Variants in WDR47 observed in about 807,000 individuals in gnomAD.
WDR47 encodes WD repeat-containing protein 47.
A neutral mutation model predicts 97.2 loss-of-function variants in WDR47; 32 were observed. The observed-to-expected ratio is 0.33, with a 90% confidence interval of 0.25 to 0.44. WDR47 has a LOEUF of 0.44. Among genes scored for constraint, WDR47 ranks in the 20% least tolerant of loss-of-function variants. WDR47 has a pLI of 1.00. For missense variants in WDR47, 782 were observed against 1,102.3 expected (o/e 0.71, Z 4.11); for synonymous variants, 375 against 373.5 (o/e 1.00, Z -0.05).
chr1:108,984,773 G>C (rs922761229), intron 10 of WDR47, among the ~76,000 whole-genome samples: 1 of 152,142 alleles, frequency 6.6e-6, no homozygotes, highest in Admixed American at 6.5e-5. Context: ...AGCTACTCAG[G>C]AGGCTGAAGC....
At position 109,023,335 on chromosome 1, in the gene WDR47, A is replaced by C; in HGVS notation, c.158+20T>G. 1 of 1,606,724 alleles carries C rather than the reference A, an allele frequency of 6.2e-7. No homozygotes were observed. The highest frequency in any genetic ancestry group is 8.5e-7 in the Non-Finnish European group (1 of 1,176,866). On this transcript the variant is annotated intron_variant, in intron 2 of 14. Coordinates refer to ENST00000369962, the MANE Select transcript of WDR47 (RefSeq NM_001142551.2). ...TTTCTTCGAAGGAGCTACAAACTTC[A>C]CAGTATAATGAAATCATACCTCAGG...
chr1:109,029,667 G>C (rs1418851078), intron 1 of WDR47, among the ~76,000 whole-genome samples: 1 of 139,770 alleles, frequency 7.2e-6, no homozygotes, highest in Non-Finnish European at 1.5e-5. Context: ...GCGAGACTCT[G>C]TCTCTAAATA....
At chr1:109,025,595 G>A (rs1473289077) in intron 1 of WDR47, among the ~76,000 whole-genome samples, 5 of 151,770 alleles carry the variant, frequency 3.3e-5, no homozygotes, top group Admixed American at 1.3e-4. Flanking sequence ...TTAGCGGAGC[G>A]TGGTGGCACG....
At chr1:108,989,585 G>T (rs2590999) in intron 9 of WDR47, among the ~76,000 whole-genome samples, 2 of 152,066 alleles carry the variant, frequency 1.3e-5, no homozygotes, top group Non-Finnish European at 2.9e-5. Flanking sequence ...AAGAGAAAAA[G>T]GGAGGAAAAA....
intron 1 of WDR47, among the ~76,000 whole-genome samples, chr1:109,028,924 T>TA (rs145200842): frequency 0.025 from 3,832 of 152,262 alleles, 62 homozygotes; most frequent in Non-Finnish European, 0.041. Context: ...GGCCTCTGGT[T>TA]AAAATCACAA....
chr1:108,983,210 A>T, intron 11 of WDR47, 72 bp downstream of exon 11: 1 of 1,368,406 alleles, frequency 7.3e-7, no homozygotes, highest in Non-Finnish European at 9.7e-7. Flanking sequence ...AAGACAATAC[A>T]GAAATACAAC....
chr1:108,988,305 G>GAA (rs35875513), intron 9 of WDR47, among the ~76,000 whole-genome samples: 61 of 133,542 alleles, frequency 4.6e-4, no homozygotes, highest in African/African-American at 1.6e-3. Context: ...TAACTATTAA[G>GAA]AAAAAAAAAA....
chr1:108,992,972 T>G, intron 8 of WDR47: 1,786 of 534,682 alleles, frequency 3.3e-3, no homozygotes, highest in East Asian at 3.9e-3. Context: ...GCCCATGAAA[T>G]ACCCAGAAGA....
At chr1:108,977,308 C>T (rs1019683199) in intron 13 of WDR47, among the ~76,000 whole-genome samples, 5 of 152,172 alleles carry the variant, frequency 3.3e-5, no homozygotes, top group Middle Eastern at 3.4e-3. Context: ...CCCACCACCA[C>T]GCCTAGCTAA....
Position 109,011,393 on chromosome 1 carries a change from T to C in WDR47, c.653A>G (p.Glu218Gly). Residue 218 changes from glutamate to glycine, a missense_variant, in exon 5 of 15, where the codon GAA (glutamate) becomes GGA (glycine). Physicochemically the swap from Glu to Gly is moderately conservative, Grantham distance 98 (BLOSUM62 -2). Coordinates refer to ENST00000369962, the MANE Select transcript of WDR47 (RefSeq NM_001142551.2). ...AAGCACTTCGCTTTCTGTAATTTCT[T>C]CTCCAGTTGCTTTACTCTGACAAAA... is the stretch of plus-strand genomic sequence containing the variant. ...VEFCQSKATGEEITESEVLLG... is the reference protein window; with the variant it reads ...VEFCQSKATGGEITESEVLLG... 6.2e-7 allele frequency: 1 copy of C among 1,614,180 alleles called. No homozygotes were observed. The highest frequency in any genetic ancestry group is 8.5e-7 in the Non-Finnish European group (1 of 1,180,034).
chr1:109,040,141 AGAAT>A (rs1258412100), intron 1 of WDR47, among the ~76,000 whole-genome samples: 1 of 152,186 alleles, frequency 6.6e-6, no homozygotes, highest in Non-Finnish European at 1.5e-5. Flanking sequence ...ACCATTTTAC[AGAAT>A]GAGAAATCAG....
intron 5 of WDR47, among the ~76,000 whole-genome samples, chr1:109,005,491 A>G (rs527462534): frequency 3.3e-5 from 5 of 152,348 alleles, no homozygotes; most frequent in African/African-American, 1.2e-4. Context: ...TTCTAACACC[A>G]CAAAAAGGGT....
rs542803313 is a variant in WDR47 at position 108,976,090 on chromosome 1, T to A, written c.2399-1336A>T. Among the ~76,000 whole-genome samples the A allele has an allele frequency of 2.6e-5, 4 of 152,278 alleles. No homozygotes were observed. The South Asian group carries it at 6.2e-4, about 24-fold the overall frequency. ...ACTTGTCTCTGTAAACAGTAAAGCA[T>A]CATTGTAGGTTTCTAAGCAAGAGAA... is the stretch of plus-strand genomic sequence containing the variant. On this transcript the variant is annotated intron_variant, in intron 13 of 14. Transcript: ENST00000369962.
intron 5 of WDR47, among the ~76,000 whole-genome samples, chr1:109,006,980 C>T (rs1207955648): frequency 6.6e-6 from 1 of 151,918 alleles, no homozygotes; most frequent in Non-Finnish European, 1.5e-5. Flanking sequence ...TGCTGTCACC[C>T]AGGCTGGAGT....
At chr1:108,988,189 G>C (rs546480682) in intron 9 of WDR47, among the ~76,000 whole-genome samples, 1 of 144,160 alleles carries the variant, frequency 6.9e-6, no homozygotes, top group South Asian at 2.4e-4. Context: ...AGGCTATAGT[G>C]AGCCTGGGCA....
At chr1:109,004,473 T>C in intron 6 of WDR47, 119 bp downstream of exon 6, 1 of 1,203,560 alleles carries the variant, frequency 8.3e-7, no homozygotes, top group South Asian at 1.9e-5. Context: ...AATAAGAAAA[T>C]CTATGTATAT....
intron 1 of WDR47, among the ~76,000 whole-genome samples, chr1:109,030,640 A>C (rs2102030970): frequency 7.1e-6 from 1 of 141,770 alleles, no homozygotes; most frequent in East Asian, 2.1e-4. Context: ...CTAACATGGA[A>C]CAATAGTGCT....
intron 4 of WDR47, among the ~76,000 whole-genome samples, chr1:109,013,554 T>G (rs1650387043): frequency 6.6e-6 from 1 of 152,094 alleles, no homozygotes; most frequent in Non-Finnish European, 1.5e-5. Flanking sequence ...GAAGAAATGA[T>G]GAAGAGTCAT....
chr1:108,995,404 A>G (rs1381661634), intron 8 of WDR47, among the ~76,000 whole-genome samples, 176 bp downstream of exon 8: 1 of 152,200 alleles, frequency 6.6e-6, no homozygotes, highest in African/African-American at 2.4e-5. Context: ...GGAAACTATA[A>G]AGAGACTTAG....
Sources: allele counts gnomAD v4.1 joint callset (sites outside exome capture counted in the v4.1 genomes callset), GRCh38; gene constraint gnomAD v4.1.1; transcripts MANE v1.5; gene names NCBI Gene and HGNC (gene_info 2026-07-23, HGNC 2026-07-21).